The following KHDRBS2 variants were observed in gnomAD, a reference collection of about 807,000 sequenced individuals.
KHDRBS2 encodes the protein KH domain-containing, RNA-binding, signal transduction-associated protein 2.
Under a neutral mutation model 44.3 loss-of-function variants are expected in KHDRBS2, and 26 were observed. The observed-to-expected ratio is 0.59, with a 90% CI of 0.43 to 0.81. The LOEUF is 0.81. Among genes scored for constraint, KHDRBS2 ranks in the 40% least tolerant of loss-of-function variants. The probability of loss-of-function intolerance (pLI) is 0.00; values close to 1 mark genes in which losing one functional copy is unlikely to be tolerated. For synonymous variants in KHDRBS2, 194 were observed against 151.1 expected, an observed-to-expected ratio of 1.28 and a Z score of -2.08; for missense variants, 476 against 433.1, an observed-to-expected ratio of 1.10 and a Z score of -0.88.
the KHDRBS2 span, among the ~76,000 whole-genome samples, chr6:61,658,696 C>T: frequency 0.83 from 126,611 of 151,780 alleles, 53,089 homozygotes; most frequent in Non-Finnish European, 0.88. Flanking sequence ...GATATGCATA[C>T]GCAGTTAAGA....
chr6:61,894,622 T>TA lies in KHDRBS2; in HGVS notation c.810+12dup. ...TAACTCATCCTTACAACTTATTTCT[T>TA]AAGAGTACTTACATATTCTTCATAA... On this transcript the variant is annotated intron_variant, in intron 6 of 8. Transcript: ENST00000281156. 1 of 1,601,608 alleles carries TA rather than the reference T, an allele frequency of 6.2e-7. No individual in the cohort carries two copies.
At position 61,954,851 on chromosome 6, in the gene KHDRBS2, C is replaced by CACATACATATGTATATAT. The variant is rs1562513859; in HGVS notation, c.483+23214_483+23215insATATATACATATGTATGT. ...ACATGCATATGTATGTATACATATG[C>CACATACATATGTATATAT]ATGTGTATATACACATACATATGTG... On this transcript the variant is annotated intron_variant, in intron 4 of 8. Transcript: ENST00000281156. Among the ~76,000 whole-genome samples the CACATACATATGTATATAT allele has an allele frequency of 4.3e-4, 17 of 39,238 alleles. 2 individuals carry two copies. Among genetic ancestry groups the CACATACATATGTATATAT allele is most frequent in the Admixed American group, 9.5e-4 (4 of 4,204 alleles). 25.7% of individuals were successfully genotyped at this position (39,238 alleles called of 152,430 possible).
intron 4 of KHDRBS2, among the ~76,000 whole-genome samples, chr6:61,911,979 C>A (rs1562426537): frequency 6.6e-6 from 1 of 151,894 alleles, no homozygotes; most frequent in Non-Finnish European, 1.5e-5. Flanking sequence ...AATTATTGCG[C>A]CACTTTTTCT....
intron 7 of KHDRBS2, among the ~76,000 whole-genome samples, chr6:61,728,709 T>C (rs1773971212): frequency 6.6e-6 from 1 of 152,172 alleles, no homozygotes; most frequent in African/African-American, 2.4e-5. Context: ...CAAATGTAGG[T>C]AGATGTATTA....
intron 2 of KHDRBS2, among the ~76,000 whole-genome samples, chr6:62,090,966 A>AGTTACTAC (rs1181948043): frequency 1.3e-5 from 2 of 152,290 alleles, no homozygotes; most frequent in Admixed American, 6.5e-5. Flanking sequence ...TATGAAAAAT[A>AGTTACTAC]GTTACTACGG....
At chr6:62,186,855 A>T (rs1823534110) in intron 1 of KHDRBS2, among the ~76,000 whole-genome samples, 2 of 152,098 alleles carry the variant, frequency 1.3e-5, no homozygotes, top group South Asian at 4.1e-4. Context: ...CATTTTATTG[A>T]TACTCATTCC....
chr6:61,990,298 T>A (rs1775883822), intron 3 of KHDRBS2, among the ~76,000 whole-genome samples: 1 of 152,142 alleles, frequency 6.6e-6, no homozygotes, highest in South Asian at 2.1e-4. Flanking sequence ...GAAGGAAACA[T>A]TAGGGAAGTG....
the KHDRBS2 span, among the ~76,000 whole-genome samples, chr6:61,587,545 A>T: frequency 0.62 from 93,537 of 151,880 alleles, 29,031 homozygotes; most frequent in Non-Finnish European, 0.65. Flanking sequence ...AGACATTCAG[A>T]AATAACACTA....
intron 2 of KHDRBS2, among the ~76,000 whole-genome samples, chr6:62,108,968 G>A (rs1430247400): frequency 6.6e-6 from 1 of 151,916 alleles, no homozygotes; most frequent in Admixed American, 6.6e-5. Flanking sequence ...ACGAGGGGAG[G>A]GATAGCATTA....
chr6:62,056,675 T>C (rs928410025), intron 2 of KHDRBS2, among the ~76,000 whole-genome samples: 10 of 152,016 alleles, frequency 6.6e-5, no homozygotes, highest in African/African-American at 2.4e-4. Flanking sequence ...ACTGAACTTC[T>C]CTTTCATATT....
At chr6:62,158,160 GAACTCTTAGATAA>G (rs1159513456) in intron 2 of KHDRBS2, among the ~76,000 whole-genome samples, 1 of 152,102 alleles carries the variant, frequency 6.6e-6, no homozygotes, top group Non-Finnish European at 1.5e-5. Flanking sequence ...TGGCACTAAA[GAACTCTTAGATAA>G]ATAATTCCAA....
chr6:61,676,941 A>C (rs1765980093), downstream of KHDRBS2, among the ~76,000 whole-genome samples: 1 of 151,924 alleles, frequency 6.6e-6, no homozygotes, highest in African/African-American at 2.4e-5. Flanking sequence ...CTACTGTTTA[A>C]TGCATAAACT....
At chr6:62,117,900 C>T (rs1048287087) in intron 2 of KHDRBS2, among the ~76,000 whole-genome samples, 16 of 151,922 alleles carry the variant, frequency 1.1e-4, no homozygotes, top group Non-Finnish European at 1.0e-4. Flanking sequence ...TTCAGTCTCC[C>T]GAGTAGCTTG....
chr6:62,065,849 G>T (rs1234229840), intron 2 of KHDRBS2, among the ~76,000 whole-genome samples: 1 of 150,846 alleles, frequency 6.6e-6, no homozygotes, highest in Admixed American at 6.6e-5. Context: ...TTATAAAAAT[G>T]ATTCAACATG....
intron 3 of KHDRBS2, among the ~76,000 whole-genome samples, chr6:62,036,177 A>T (rs187068730): frequency 1.3e-5 from 2 of 151,894 alleles, no homozygotes; most frequent in East Asian, 3.9e-4. Context: ...TAAACTGTTG[A>T]CTTAGGCACC....
At chr6:61,550,205 C>T in the KHDRBS2 span, among the ~76,000 whole-genome samples, 1 of 152,116 alleles carries the variant, frequency 6.6e-6, no homozygotes, top group Non-Finnish European at 1.5e-5. Flanking sequence ...TCCTCCCACC[C>T]TCCACCGTCA....
chr6:61,700,928 A>G (rs1187518035), intron 7 of KHDRBS2, among the ~76,000 whole-genome samples: 1 of 151,904 alleles, frequency 6.6e-6, no homozygotes, highest in Admixed American at 6.6e-5. Context: ...TAAAAATATT[A>G]TTTGAGTCAC....
chr6:61,833,044 C>A (rs1195316848), intron 6 of KHDRBS2, among the ~76,000 whole-genome samples: 1 of 152,110 alleles, frequency 6.6e-6, no homozygotes, highest in African/African-American at 2.4e-5. Context: ...TACTTATATG[C>A]ACAAGTCATA....
intron 7 of KHDRBS2, among the ~76,000 whole-genome samples, chr6:61,729,044 A>G (rs1774021690): frequency 6.6e-6 from 1 of 152,162 alleles, no homozygotes. Flanking sequence ...TTATTGCAGC[A>G]CTAGTCACAA....
Sources: allele counts gnomAD v4.1 joint callset (sites outside exome capture counted in the v4.1 genomes callset), GRCh38; gene constraint gnomAD v4.1.1; transcripts MANE v1.5; gene names NCBI Gene and HGNC (gene_info 2026-07-23, HGNC 2026-07-21).